The following CDH23 variants were observed in gnomAD, a reference collection of about 807,000 sequenced individuals.
CDH23 encodes cadherin-23.
In CDH23, 189 loss-of-function variants were observed where a neutral mutation model predicts 317.1. The observed-to-expected ratio is 0.60, with a 90% CI of 0.53 to 0.67. The LOEUF is 0.67. CDH23 is among the 30% of genes least tolerant of loss of function. The pLI, the probability that CDH23 is intolerant of heterozygous loss-of-function variation, is 0.00. For missense variants in CDH23, 4,401 were observed against 4,592.4 expected (o/e 0.96, Z 1.20); for synonymous variants, 1,839 against 1,876.8 (o/e 0.98, Z 0.52).
At chr10:71,532,694 A>G (rs1855444621) in intron 6 of CDH23, among the ~76,000 whole-genome samples, 1 of 140,366 alleles carries the variant, frequency 7.1e-6, no homozygotes, top group African/African-American at 2.6e-5. Context: ...GATGTTGGCA[A>G]GTTTTCTTTT....
intron 34 of CDH23, among the ~76,000 whole-genome samples, chr10:71,735,393 G>A (rs974123349): frequency 5.3e-5 from 8 of 152,174 alleles, no homozygotes; most frequent in Non-Finnish European, 1.0e-4. Flanking sequence ...GAGGCGGCCC[G>A]GCCTGAAGGG....
chr10:71,664,390 C>A (rs1386080661), intron 14 of CDH23, among the ~76,000 whole-genome samples: 6 of 152,220 alleles, frequency 3.9e-5, no homozygotes, highest in Non-Finnish European at 8.8e-5. Context: ...AAGCCGAGGG[C>A]CTCACACCTC....
intron 1 of CDH23, among the ~76,000 whole-genome samples, chr10:71,404,490 C>G (rs1589265295): frequency 6.6e-6 from 1 of 152,350 alleles, no homozygotes; most frequent in South Asian, 2.1e-4. Flanking sequence ...GACCTGTACT[C>G]AAGGTCTGGA....
chr10:71,786,338 A>G (rs973787011), intron 44 of CDH23, among the ~76,000 whole-genome samples: 11 of 152,072 alleles, frequency 7.2e-5, no homozygotes, highest in Admixed American at 5.2e-4. Flanking sequence ...AGTTCATCTC[A>G]GCTCTGCCCC....
intron 6 of CDH23, among the ~76,000 whole-genome samples, chr10:71,550,328 G>T (rs1856508556): frequency 3.3e-5 from 5 of 152,078 alleles, no homozygotes; most frequent in Admixed American, 3.3e-4. Flanking sequence ...AGGAGTCGGG[G>T]ATCGCTTGAG....
intron 43 of CDH23, 80 bp downstream of exon 43, chr10:71,785,180 G>A: frequency 8.3e-7 from 1 of 1,208,712 alleles, no homozygotes; most frequent in African/African-American, 1.5e-5. Context: ...CTTTTCTGCT[G>A]CCACCATCTG....
chr10:71,706,599 G>A (rs1213024764), intron 25 of CDH23, among the ~76,000 whole-genome samples: 6 of 152,242 alleles, frequency 3.9e-5, no homozygotes, highest in Admixed American at 6.5e-5. Context: ...TGTTAGGTGC[G>A]TACTGGAGAG....
At chr10:71,632,836 T>C (rs1862079872) in intron 11 of CDH23, among the ~76,000 whole-genome samples, 1 of 152,188 alleles carries the variant, frequency 6.6e-6, no homozygotes. Flanking sequence ...CCACGTGTCT[T>C]AGTCCATTTT....
chr10:71,753,352 C>T (rs191300183), intron 38 of CDH23, among the ~76,000 whole-genome samples: 91 of 152,354 alleles, frequency 6.0e-4, no homozygotes, highest in African/African-American at 2.1e-3. Context: ...ATTTAAGTAT[C>T]GAGCAAAGGT....
At chr10:71,668,421 C>T (rs533148255) in intron 14 of CDH23, among the ~76,000 whole-genome samples, 1 of 152,176 alleles carries the variant, frequency 6.6e-6, no homozygotes, top group Non-Finnish European at 1.5e-5. Flanking sequence ...GACTTCACTC[C>T]CCCAGCCCCA....
chr10:71,446,609 C>T (rs575567480), intron 3 of CDH23, among the ~76,000 whole-genome samples: 7 of 152,306 alleles, frequency 4.6e-5, no homozygotes, highest in Non-Finnish European at 8.8e-5. Context: ...TCACATTGAG[C>T]CTCAGATGCT....
intron 17 of CDH23, among the ~76,000 whole-genome samples, chr10:71,680,709 C>G (rs1003312422): frequency 1.6e-5 from 2 of 127,672 alleles, no homozygotes; most frequent in East Asian, 4.7e-4. Context: ...GGTTGCACCA[C>G]TGCACTCCAG....
intron 7 of CDH23, among the ~76,000 whole-genome samples, chr10:71,567,583 A>G (rs968877320): frequency 6.6e-6 from 1 of 152,378 alleles, no homozygotes; most frequent in South Asian, 2.1e-4. Context: ...CGGAGCAAGA[A>G]CCCAAACCAG....
Position 71,793,261 on chromosome 10 carries a change from G to A in CDH23, c.6333G>A (p.Gly2111=), listed in dbSNP as rs368155422. The change falls in exon 48 of 70, where the codon GGG becomes GGA. Residue 2111 remains glycine (G), a synonymous_variant. Coordinates refer to ENST00000224721, the MANE Select transcript of CDH23 (RefSeq NM_022124.6). ...NGELVYRIEA[G]AQDRFLIHLV... ...AGCTGGTCTACCGAATAGAAGCTGGGGCTCAGGACCGCTTCCTCATTCATC... is the reference window on the plus strand; with the variant it reads ...AGCTGGTCTACCGAATAGAAGCTGGAGCTCAGGACCGCTTCCTCATTCATC... 5.8e-5 allele frequency: 94 copies of A among 1,613,818 alleles called. 3 individuals carry two copies. The South Asian group carries it at 9.0e-4, about 15-fold the overall frequency.
At chr10:71,588,325 C>T (rs569224501) in intron 9 of CDH23, among the ~76,000 whole-genome samples, 44 of 152,142 alleles carry the variant, frequency 2.9e-4, no homozygotes, top group Non-Finnish European at 5.4e-4. Flanking sequence ...AATCCCTTCC[C>T]ACAGTCAGTC....
chr10:71,755,290 G>A (rs779750037), intron 38 of CDH23: 15 of 1,391,270 alleles, frequency 1.1e-5, no homozygotes, highest in Non-Finnish European at 1.4e-5. Context: ...CGAATCCCAG[G>A]GGCTGAACTG....
chr10:71,485,833 G>C (rs1300015102), intron 3 of CDH23, among the ~76,000 whole-genome samples: 2 of 152,228 alleles, frequency 1.3e-5, no homozygotes, highest in Non-Finnish European at 2.9e-5. Flanking sequence ...CTATGACAAA[G>C]CCACATTTGA....
chr10:71,675,067 T>G (rs1010711149), intron 14 of CDH23, 45 bp from the exon 15 acceptor site: 11 of 1,578,902 alleles, frequency 7.0e-6, no homozygotes, highest in Non-Finnish European at 9.6e-6. Flanking sequence ...ACCTGAAGCC[T>G]CAGCTGGGCC....
chr10:71,399,561 T>C (rs55880777), intron 1 of CDH23, among the ~76,000 whole-genome samples: 16,716 of 151,994 alleles, frequency 0.11, 1,366 homozygotes, highest in African/African-American at 0.23. Flanking sequence ...GTTTTAGGGT[T>C]TTTTAAATAG....
Sources: gnomAD v4.1 joint callset for allele counts (sites outside exome capture counted in the v4.1 genomes callset) on GRCh38, gnomAD v4.1.1 for gene constraint, MANE v1.5 for transcripts, NCBI Gene and HGNC (gene_info 2026-07-23, HGNC 2026-07-21) for gene names.